PTCSC3: variants seen among roughly 807,000 people sequenced by gnomAD.
The protein encoded by PTCSC3 is papillary thyroid carcinoma susceptibility candidate 3 (non-protein coding).
intron 1 of PTCSC3, among the ~76,000 whole-genome samples, chr14:36,166,940 T>C (rs573657550): frequency 3.0e-4 from 45 of 152,326 alleles, no homozygotes; most frequent in Admixed American, 2.7e-3. Context: ...ATCTGAACTT[T>C]ATAGCGACCA....
intron 3 of PTCSC3, among the ~76,000 whole-genome samples, chr14:36,140,016 C>T (rs1247934112): frequency 1.3e-5 from 2 of 152,192 alleles, no homozygotes; most frequent in African/African-American, 4.8e-5. Context: ...AGAATCCATG[C>T]AACCATGGAC....
chr14:36,150,979 C>CTTTG (rs1881708669), intron 3 of PTCSC3, among the ~76,000 whole-genome samples: 1 of 152,066 alleles, frequency 6.6e-6, no homozygotes, highest in Non-Finnish European at 1.5e-5. Flanking sequence ...AACACTCTTC[C>CTTTG]TTTGTTCATG....
chr14:36,140,255 G>T (rs1463700388), intron 3 of PTCSC3, among the ~76,000 whole-genome samples: 1 of 152,144 alleles, frequency 6.6e-6, no homozygotes, highest in Non-Finnish European at 1.5e-5. Flanking sequence ...CATCTTAGTT[G>T]CTTTCCATTT....
At chr14:36,172,197 T>C (rs552953146) in intron 1 of PTCSC3, among the ~76,000 whole-genome samples, 1 of 152,158 alleles carries the variant, frequency 6.6e-6, no homozygotes, top group Non-Finnish European at 1.5e-5. Flanking sequence ...GGGTTGGACA[T>C]GTAAATATAT....
rs189757552 is a variant in PTCSC3, at chr14:36,163,799, C to T, written n.172-1116G>A. Among the ~76,000 whole-genome samples the T allele has an allele frequency of 2.0e-5, 3 of 152,286 alleles. No individual in the cohort carries two copies. In the South Asian group the frequency reaches 6.2e-4, roughly 32 times the overall value. ...ATTAACAGAAAATGATATCTTTATA[C>T]TTTGTCAGTGGATTTCCAATCAATT... On this transcript the variant is annotated intron_variant and non_coding_transcript_variant, in intron 1 of 3. Coordinates refer to ENST00000556013, the Ensembl canonical transcript of PTCSC3.
At position 36,143,979 on chromosome 14, in the gene PTCSC3, C is replaced by T. The variant is rs532651961; in HGVS notation, n.323-7623G>A. Among the ~76,000 whole-genome samples, 27 of 152,186 alleles carry T rather than the reference C, an allele frequency of 1.8e-4. 1 individual carries two copies. The East Asian group carries it at 4.0e-3, about 23-fold the overall frequency. Reference sequence around the variant, plus strand: ...AGATCAGATAGTTGTAGTTATGTGGCGTTACTTCTGAGGGCTCTGTTCTGT... The same window carrying T: ...AGATCAGATAGTTGTAGTTATGTGGTGTTACTTCTGAGGGCTCTGTTCTGT... On this transcript the variant is annotated intron_variant and non_coding_transcript_variant, in intron 3 of 3. Transcript: ENST00000556013.
At chr14:36,146,776 G>C (rs1233404569) in intron 3 of PTCSC3, among the ~76,000 whole-genome samples, 1 of 151,990 alleles carries the variant, frequency 6.6e-6, no homozygotes, top group Non-Finnish European at 1.5e-5. Flanking sequence ...TTTACATTTT[G>C]GCATGATTTT....
At chr14:36,143,925 C>G (rs111304400) in intron 3 of PTCSC3, among the ~76,000 whole-genome samples, 4 of 151,358 alleles carry the variant, frequency 2.6e-5, no homozygotes, top group Non-Finnish European at 5.9e-5. Context: ...AATCCTTTCC[C>G]CATTGCTTGT....
chr14:36,160,674 C>G (rs1249166538), intron 2 of PTCSC3, among the ~76,000 whole-genome samples: 1 of 151,906 alleles, frequency 6.6e-6, no homozygotes, highest in Non-Finnish European at 1.5e-5. Context: ...TCATTTCAAC[C>G]TTGGTGAATC....
intron 1 of PTCSC3, among the ~76,000 whole-genome samples, chr14:36,164,916 T>C (rs1272695382): frequency 1.3e-5 from 2 of 152,248 alleles, no homozygotes; most frequent in African/African-American, 4.8e-5. Context: ...TTCCTACTAC[T>C]TAATGTCAAG....
At chr14:36,165,132 A>G (rs1188240493) in intron 1 of PTCSC3, 2 of 147,710 alleles carry the variant, frequency 1.4e-5, no homozygotes, top group Non-Finnish European at 2.9e-5. Flanking sequence ...TTCTCGGCCC[A>G]TCTCGCCCAT....
chr14:36,140,629 T>G (rs892283570), intron 3 of PTCSC3, among the ~76,000 whole-genome samples: 1 of 152,236 alleles, frequency 6.6e-6, no homozygotes, highest in African/African-American at 2.4e-5. Context: ...CATGTATATC[T>G]TCTTTGATGA....
intron 2 of PTCSC3, among the ~76,000 whole-genome samples, chr14:36,156,668 GTTTTCTGTTTCTGTGTTA>G (rs1259152139): frequency 1.3e-5 from 2 of 152,038 alleles, no homozygotes; most frequent in African/African-American, 4.8e-5. Flanking sequence ...GCAGTGTTTG[GTTTTCTGTTTCTGTGTTA>G]GTTTGCTGAG....
chr14:36,137,871 A>G (rs1881326256), intron 3 of PTCSC3, among the ~76,000 whole-genome samples: 1 of 152,192 alleles, frequency 6.6e-6, no homozygotes, highest in Admixed American at 6.5e-5. Context: ...TGATGAGTAG[A>G]TTATTGGCCG....
chr14:36,149,990 A>T (rs1364245162), intron 3 of PTCSC3, among the ~76,000 whole-genome samples: 1 of 152,140 alleles, frequency 6.6e-6, no homozygotes, highest in Non-Finnish European at 1.5e-5. Context: ...ATTTCCTTTG[A>T]TCATCATGTC....
intron 3 of PTCSC3, among the ~76,000 whole-genome samples, chr14:36,138,545 A>G (rs1047611232): frequency 1.3e-5 from 2 of 152,224 alleles, no homozygotes; most frequent in Non-Finnish European, 2.9e-5. Context: ...ACAGTTCACA[A>G]AAGAAGATAT....
At chr14:36,150,821 C>A (rs373375816) in intron 3 of PTCSC3, among the ~76,000 whole-genome samples, 10 of 152,284 alleles carry the variant, frequency 6.6e-5, no homozygotes, top group African/African-American at 2.2e-4. Context: ...CCAATGTCTT[C>A]TCATTCCTTA....
intron 3 of PTCSC3, among the ~76,000 whole-genome samples, chr14:36,146,825 G>A (rs894180674): frequency 1.3e-5 from 2 of 152,080 alleles, no homozygotes; most frequent in Non-Finnish European, 2.9e-5. Flanking sequence ...CATATTTAGT[G>A]CTTCCTTCAG....
chr14:36,135,532 T>C (rs1475286629), downstream of PTCSC3, among the ~76,000 whole-genome samples: 1 of 152,218 alleles, frequency 6.6e-6, no homozygotes, highest in East Asian at 1.9e-4. Flanking sequence ...AGTGTCTCTC[T>C]TGTAAATAAC....
Sources: allele counts gnomAD v4.1 joint callset (sites outside exome capture counted in the v4.1 genomes callset), GRCh38; gene constraint gnomAD v4.1.1; transcripts MANE v1.5; gene names NCBI Gene and HGNC (gene_info 2026-07-23, HGNC 2026-07-21).